GALNT10: variants seen among roughly 807,000 people sequenced by gnomAD.
The protein encoded by GALNT10 is polypeptide N-acetylgalactosaminyltransferase 10.
A neutral mutation model predicts 75.0 loss-of-function variants in GALNT10; 41 were observed. The observed-to-expected ratio is 0.55, with a 90% confidence interval of 0.43 to 0.71. The LOEUF (loss-of-function observed/expected upper bound fraction) is 0.71, where lower values mean the gene tolerates loss of function less well. Ranked by LOEUF, GALNT10 falls within the 30% of genes least tolerant of loss-of-function variation. The pLI, the probability that GALNT10 is intolerant of heterozygous loss-of-function variation, is 0.00. For missense variants in GALNT10, 727 were observed against 818.5 expected, an observed-to-expected ratio of 0.89 and a Z score of 1.36; for synonymous variants, 302 against 313.0, an observed-to-expected ratio of 0.96 and a Z score of 0.37.
At chr5:154,268,186 A>G (rs931717983) in intron 1 of GALNT10, among the ~76,000 whole-genome samples, 1 of 152,228 alleles carries the variant, frequency 6.6e-6, no homozygotes, top group Non-Finnish European at 1.5e-5. Context: ...TTAGCCAAGC[A>G]CCTTGTAAGG....
intron 1 of GALNT10, among the ~76,000 whole-genome samples, chr5:154,233,660 C>T (rs1753199599): frequency 6.6e-6 from 1 of 152,292 alleles, no homozygotes; most frequent in African/African-American, 2.4e-5. Flanking sequence ...CAGCCCTCTG[C>T]TCTTGGCATT....
At chr5:154,196,958 G>A (rs1480108063) in intron 1 of GALNT10, among the ~76,000 whole-genome samples, 5 of 152,110 alleles carry the variant, frequency 3.3e-5, no homozygotes, top group Admixed American at 2.6e-4. Flanking sequence ...AGTGTTCCAG[G>A]CAGTAATCAC....
intron 1 of GALNT10, among the ~76,000 whole-genome samples, chr5:154,259,085 G>T (rs574390514): frequency 6.6e-6 from 1 of 152,128 alleles, no homozygotes; most frequent in South Asian, 2.1e-4. Flanking sequence ...GATTTTATTT[G>T]AATATCAGCA....
At chr5:154,386,487 A>G (rs1755808876) in intron 7 of GALNT10, 57 bp downstream of exon 7, 1 of 1,077,784 alleles carries the variant, frequency 9.3e-7, no homozygotes. Context: ...TGCCTGTCCC[A>G]GTAGGTGTCT....
At chr5:154,206,206 T>G (rs1775107377) in intron 1 of GALNT10, among the ~76,000 whole-genome samples, 1 of 152,228 alleles carries the variant, frequency 6.6e-6, no homozygotes, top group Non-Finnish European at 1.5e-5. Context: ...ACATATATAT[T>G]CTTTAACTAA....
intron 9 of GALNT10, among the ~76,000 whole-genome samples, chr5:154,411,993 C>G (rs1756406463): frequency 6.6e-6 from 1 of 152,168 alleles, no homozygotes; most frequent in East Asian, 1.9e-4. Flanking sequence ...AGTCCCCAAG[C>G]CAAATCACCA....
At chr5:154,266,466 A>G (rs1235456520) in intron 1 of GALNT10, among the ~76,000 whole-genome samples, 1 of 152,026 alleles carries the variant, frequency 6.6e-6, no homozygotes, top group African/African-American at 2.4e-5. Context: ...GGGAGATCCT[A>G]TGAACCCTTT....
At chr5:154,329,513 T>G in intron 3 of GALNT10, 59 bp from the exon 4 acceptor site, 1 of 1,409,004 alleles carries the variant, frequency 7.1e-7, no homozygotes, top group Non-Finnish European at 1.0e-6. Flanking sequence ...TGTGCCTGAG[T>G]TCTCTTGGCA....
rs750468035 is a variant in GALNT10 at position 154,190,899 on chromosome 5, G to T, written c.33G>T (p.Ala11=). Residue 11 remains alanine, a synonymous_variant, in exon 1 of 12, where the codon GCG becomes GCT. Coordinates refer to ENST00000297107, the MANE Select transcript of GALNT10 (RefSeq NM_198321.4). MRRKEKRLLQ[A]VALVLAALVL... ...GGAAGGAGAAGCGGCTCCTGCAGGC[G>T]GTGGCGCTGGTGCTGGCGGCCCTGG... 1 of 1,464,118 alleles carries T rather than the reference G, an allele frequency of 6.8e-7. No homozygotes were observed. The highest frequency in any genetic ancestry group is 1.3e-5 in the South Asian group (1 of 76,878). 90.7% of individuals were successfully genotyped at this position (1,464,118 alleles called of 1,614,324 possible).
chr5:154,367,307 C>T (rs1222989874), intron 4 of GALNT10, among the ~76,000 whole-genome samples: 1 of 152,168 alleles, frequency 6.6e-6, no homozygotes, highest in African/African-American at 2.4e-5. Context: ...AAACCAGTTT[C>T]CCTGGGGGTT....
chr5:154,328,357 G>A (rs1754788917), intron 3 of GALNT10, among the ~76,000 whole-genome samples: 1 of 152,180 alleles, frequency 6.6e-6, no homozygotes, highest in Non-Finnish European at 1.5e-5. Context: ...TAGAGCCCAG[G>A]GAGAGAGAGG....
intron 8 of GALNT10, among the ~76,000 whole-genome samples, chr5:154,408,640 C>A (rs3776995): frequency 0.082 from 12,419 of 151,890 alleles, 559 homozygotes; most frequent in Non-Finnish European, 0.1. Context: ...ATGTGGCTGT[C>A]ATTTTTTAAA....
At chr5:154,193,862 G>A (rs1482655071) in intron 1 of GALNT10, among the ~76,000 whole-genome samples, 1 of 152,218 alleles carries the variant, frequency 6.6e-6, no homozygotes, top group African/African-American at 2.4e-5. Context: ...TCTGGAGCTG[G>A]GTGGGATAGC....
At chr5:154,197,251 C>T (rs192384472) in intron 1 of GALNT10, among the ~76,000 whole-genome samples, 8 of 152,274 alleles carry the variant, frequency 5.3e-5, no homozygotes, top group Admixed American at 2.0e-4. Context: ...CCCTCACAGA[C>T]GTCCCGAGAA....
chr5:154,304,638 ATAG>A (rs1305209334), intron 3 of GALNT10, among the ~76,000 whole-genome samples: 2 of 152,228 alleles, frequency 1.3e-5, no homozygotes, highest in African/African-American at 4.8e-5. Context: ...ATCACTAGAA[ATAG>A]TAGCTTTGTG....
chr5:154,378,076 TTTG>T (rs1293573081), intron 5 of GALNT10, among the ~76,000 whole-genome samples: 1 of 152,202 alleles, frequency 6.6e-6, no homozygotes, highest in Non-Finnish European at 1.5e-5. Context: ...CTTGTTGGTT[TTTG>T]TTGTTGTTGT....
chr5:154,379,908 C>T (rs995021569), intron 5 of GALNT10, among the ~76,000 whole-genome samples: 32 of 152,216 alleles, frequency 2.1e-4, no homozygotes, highest in East Asian at 7.7e-4. Context: ...CAAGGAGGGC[C>T]GTTTGCTCAC....
At chr5:154,338,987 G>A (rs1373612457) in intron 4 of GALNT10, among the ~76,000 whole-genome samples, 4 of 152,168 alleles carry the variant, frequency 2.6e-5, no homozygotes, top group Admixed American at 1.3e-4. Flanking sequence ...CAGCCGTGCA[G>A]GCACAATGAC....
chr5:154,336,206 A>G (rs146449628), intron 4 of GALNT10, among the ~76,000 whole-genome samples: 296 of 152,260 alleles, frequency 1.9e-3, no homozygotes, highest in African/African-American at 6.8e-3. Flanking sequence ...TTGTCTGGGT[A>G]TACCACAGTT....
Sources: allele counts gnomAD v4.1 joint callset (sites outside exome capture counted in the v4.1 genomes callset), GRCh38; gene constraint gnomAD v4.1.1; transcripts MANE v1.5; gene names NCBI Gene and HGNC (gene_info 2026-07-23, HGNC 2026-07-21).